Variants in HNF1A observed in about 807,000 individuals in gnomAD.
HNF1A encodes the protein hepatocyte nuclear factor 1-alpha.
In HNF1A, 21 loss-of-function variants were observed where a neutral mutation model predicts 62.2. That is an observed-to-expected ratio of 0.34 (90% CI 0.24 to 0.49). HNF1A has a LOEUF of 0.49. HNF1A is among the 20% of genes least tolerant of loss of function. HNF1A has a pLI of 0.99. For synonymous variants in HNF1A, 374 were observed against 366.8 expected, an observed-to-expected ratio of 1.02 and a Z score of -0.22; for missense variants, 687 against 832.3, an observed-to-expected ratio of 0.83 and a Z score of 2.15.
rs974293955 is a variant in HNF1A at position 120,996,935 on chromosome 12, A to G, written c.1309+193A>G. Reference sequence around the variant, plus strand: ...AACCAAACAGACCAAAATCTCAGCAACTCAAGCAGGGAGGCAGGCACTAAG... The same window carrying G: ...AACCAAACAGACCAAAATCTCAGCAGCTCAAGCAGGGAGGCAGGCACTAAG... On this transcript the variant is annotated intron_variant, in intron 6 of 9. Transcript: ENST00000257555. The surrounding 1 kb of genome is among the most constrained non-coding windows in gnomAD (Gnocchi z 4.5). The G allele has an allele frequency of 6.7e-7, 1 of 1,499,038 alleles. No homozygotes were observed. The highest frequency in any genetic ancestry group is 9.1e-7 in the Non-Finnish European group (1 of 1,102,014). 92.9% of individuals were successfully genotyped at this position (1,499,038 alleles called of 1,614,324 possible). A position where few individuals can be genotyped will look rare whatever the true frequency, so the allele number is the denominator to read the frequency against.
Position 120,999,254 on chromosome 12 carries a change from T to C in HNF1A, c.1502-14T>C, listed in dbSNP as rs765596650. 1.2e-4 allele frequency: 197 copies of C among 1,613,626 alleles called. No homozygotes were observed. Among genetic ancestry groups the C allele is most frequent in the South Asian group, 4.9e-4 (45 of 91,070 alleles). Reference sequence around the variant, plus strand: ...CACGTCTGCCACGTCTGCCCCTCTCTCCCCTGCGGCCAGCCCTCTACAGCC... The same window carrying C: ...CACGTCTGCCACGTCTGCCCCTCTCCCCCCTGCGGCCAGCCCTCTACAGCC... On this transcript the variant is annotated splice_polypyrimidine_tract_variant and intron_variant, in intron 7 of 9. Coordinates refer to ENST00000257555, the MANE Select transcript of HNF1A (RefSeq NM_000545.8).
intron 2 of HNF1A, 108 bp from the exon 3 acceptor site, chr12:120,993,412 C>A (rs927671766): frequency 5.5e-6 from 6 of 1,089,322 alleles, no homozygotes; most frequent in Admixed American, 3.9e-5. Context: ...GTAAGCTCCT[C>A]TGGTTCAGCG....
chr12:120,986,983 T>G (rs1386938913), intron 1 of HNF1A, among the ~76,000 whole-genome samples: 1 of 152,146 alleles, frequency 6.6e-6, no homozygotes, highest in Non-Finnish European at 1.5e-5. Flanking sequence ...AAAATTTATA[T>G]GGCTCAGGCA....
At chr12:120,999,428 CAG>C (rs1372883404) in intron 8 of HNF1A, 39 bp downstream of exon 8, 1 of 1,613,726 alleles carries the variant, frequency 6.2e-7, no homozygotes, top group Admixed American at 1.7e-5. Flanking sequence ...TGGCCTGTGA[CAG>C]AGCCCCTCAC....
rs2135845546 is a variant in HNF1A at position 120,996,446 on chromosome 12, C to T, written c.1107+33C>T. 1.9e-6 allele frequency: 3 copies of T among 1,614,026 alleles called. No individual in the cohort carries two copies. Among genetic ancestry groups the T allele is most frequent in the East Asian group, 2.2e-5 (1 of 44,886 alleles). ...TCCTTGCTTGTAAGGAAAACCCAAC[C>T]TCATCTTTCCTTGGCAGGGAGATTC... On this transcript the variant is annotated intron_variant, in intron 5 of 9. Transcript: ENST00000257555. The surrounding 1 kb of genome is among the most constrained non-coding windows in gnomAD (Gnocchi z 4.5).
chr12:121,000,145 T>C (rs1592899187), intron 9 of HNF1A, among the ~76,000 whole-genome samples: 1 of 152,134 alleles, frequency 6.6e-6, no homozygotes. Context: ...GGTGGGGCGG[T>C]CACCTGAGTT....
chr12:120,993,462 A>C, intron 2 of HNF1A, 58 bp from the exon 3 acceptor site: 2 of 1,542,708 alleles, frequency 1.3e-6, no homozygotes, highest in Non-Finnish European at 1.8e-6. Flanking sequence ...GGTCAGGGGA[A>C]TGGACGTGGG....
chr12:120,990,148 TTTTA>T (rs1876741457), intron 2 of HNF1A, among the ~76,000 whole-genome samples: 1 of 152,152 alleles, frequency 6.6e-6, no homozygotes, highest in African/African-American at 2.4e-5. Flanking sequence ...TTTATTATTT[TTTTA>T]TTTTTTTGAG....
chr12:120,979,762 G>C (rs1463541095), intron 1 of HNF1A: 1 of 153,770 alleles, frequency 6.5e-6, no homozygotes, highest in Non-Finnish European at 1.4e-5. Flanking sequence ...AACTGGGTGG[G>C]TCCTGAGCTC....
At chr12:120,979,737 C>T (rs1390580085) in intron 1 of HNF1A, 1 of 154,060 alleles carries the variant, frequency 6.5e-6, no homozygotes, top group African/African-American at 2.4e-5. Flanking sequence ...CTGGCGGACT[C>T]CCCGTCTCCT....
chr12:120,994,508 G>T (rs1283125403), intron 4 of HNF1A, 103 bp downstream of exon 4: 2 of 1,346,536 alleles, frequency 1.5e-6, no homozygotes, highest in Non-Finnish European at 2.0e-6. Flanking sequence ...CTTCAGTTTG[G>T]TTCCATTCCA....
In HNF1A at chr12:121,001,364, C is replaced by T; in HGVS notation, c.*172C>T. 1 of 821,728 alleles carries T rather than the reference C, an allele frequency of 1.2e-6. No homozygotes were observed. Among genetic ancestry groups the T allele is most frequent in the Non-Finnish European group, 1.9e-6 (1 of 524,502 alleles). The allele number at this position is 821,728 out of a possible 1,614,324, so 50.9% of individuals were successfully genotyped here. A position where few individuals can be genotyped will look rare whatever the true frequency, so the allele number is the denominator to read the frequency against. On this transcript the variant is annotated 3_prime_UTR_variant, in exon 10 of 10. Coordinates refer to ENST00000257555, the MANE Select transcript of HNF1A (RefSeq NM_000545.8). ...ATCAGAAAGGGAGGGCTCTGAGGCG[C>T]CCCAACCCGTGGAGGCTGCTCGGGG...
At position 120,997,561 on chromosome 12, in the gene HNF1A, A is replaced by G. The variant is rs1288082612; in HGVS notation, c.1397A>G (p.Gln466Arg). The G allele has an allele frequency of 6.2e-7, 1 of 1,613,634 alleles. No homozygotes were observed. Among genetic ancestry groups the G allele is most frequent in the Admixed American group, 1.7e-5 (1 of 59,878 alleles). ...ACCCTGCAGCCCGTCCAGTTCTCCC[A>G]GCCGCTGCACCCCTCCTACCAGCAG... The part of the protein sequence containing the change: ...LTTLQPVQFS[Q>R]PLHPSYQQPL... The change falls in exon 7 of 10, where the codon CAG becomes CGG. Residue 466 changes from glutamine (Q) to arginine (R), a missense_variant. Gln to Arg is a conservative substitution (Grantham distance 43, BLOSUM62 1). Transcript: ENST00000257555.
At chr12:120,981,968 C>T (rs377515295) in intron 1 of HNF1A, among the ~76,000 whole-genome samples, 10 of 152,180 alleles carry the variant, frequency 6.6e-5, no homozygotes, top group East Asian at 3.9e-4. Context: ...CAGCCTGAGA[C>T]GTGGCCAAGG....
chr12:120,984,003 G>T (rs190809850), intron 1 of HNF1A, among the ~76,000 whole-genome samples: 11 of 151,894 alleles, frequency 7.2e-5, no homozygotes, highest in Admixed American at 1.3e-4. Context: ...GCAAGGGAGT[G>T]GGGGGTAGGG....
At position 120,996,479 on chromosome 12, in the gene HNF1A, G is replaced by A; in HGVS notation, c.1108-62G>A. On this transcript the variant is annotated intron_variant, in intron 5 of 9. Transcript: ENST00000257555. The surrounding 1 kb of genome is among the most constrained non-coding windows in gnomAD (Gnocchi z 4.5). The stretch of plus-strand genomic sequence containing the variant: ...TCCTTGGCAGGGAGATTCTGGAGCA[G>A]TCCCTAGGGAGGCCCTGTGGGGACC... The A allele has an allele frequency of 6.2e-7, 1 of 1,613,402 alleles. No individual in the cohort carries two copies. Among genetic ancestry groups the A allele is most frequent in the South Asian group, 1.1e-5 (1 of 91,084 alleles).
chr12:121,002,263 G>A lies in HNF1A; in HGVS notation c.*1071G>A, dbSNP rs886049035. 8 of 439,870 alleles carry A rather than the reference G, an allele frequency of 1.8e-5. No individual in the cohort carries two copies. The highest frequency in any genetic ancestry group is 3.9e-4 in the Middle Eastern group (1 of 2,588). The allele number at this position is 439,870 out of a possible 1,614,324, so 27.2% of individuals were successfully genotyped here. On this transcript the variant is annotated 3_prime_UTR_variant, in exon 10 of 10. Transcript: ENST00000257555. ...GGGCCTGGCTGGCTGAGGGCAGTTC[G>A]CAGCCACCCTGAGGAGTCTGAGGTC...
chr12:120,996,893 T>C lies in HNF1A; in HGVS notation c.1309+151T>C. 1 of 1,511,850 alleles carries C rather than the reference T, an allele frequency of 6.6e-7. No homozygotes were observed. Among genetic ancestry groups the C allele is most frequent in the Non-Finnish European group, 9.0e-7 (1 of 1,112,646 alleles). 93.7% of individuals were successfully genotyped at this position (1,511,850 alleles called of 1,614,324 possible). On this transcript the variant is annotated intron_variant, in intron 6 of 9. Coordinates refer to ENST00000257555, the MANE Select transcript of HNF1A (RefSeq NM_000545.8). The surrounding 1 kb of genome is among the most constrained non-coding windows in gnomAD (Gnocchi z 4.5). ...ACTCTGGACCAGTCACTGTGCTACA[T>C]CAGTGATACCTGGGTGAACCAAACA...
At chr12:120,991,251 T>C (rs930468524) in intron 2 of HNF1A, among the ~76,000 whole-genome samples, 4 of 152,134 alleles carry the variant, frequency 2.6e-5, no homozygotes, top group South Asian at 2.1e-4. Flanking sequence ...TCCAAAGAAG[T>C]TATATCAATG....
Sources: allele counts gnomAD v4.1 joint callset (sites outside exome capture counted in the v4.1 genomes callset), GRCh38; gene constraint gnomAD v4.1.1; non-coding constraint Gnocchi (gnomAD v3.1); transcripts MANE v1.5; gene names NCBI Gene and HGNC (gene_info 2026-07-23, HGNC 2026-07-21).